RPL26L1: variants seen among roughly 807,000 people sequenced by gnomAD.
The protein encoded by RPL26L1 is ribosomal protein L26 like 1, also known as ribosomal protein uL24-like.
A neutral mutation model predicts 15.2 loss-of-function variants in RPL26L1; 8 were observed. That is an observed-to-expected ratio of 0.53 (90% confidence interval 0.31 to 0.95). The LOEUF is 0.95. RPL26L1 is among the 40% of genes least tolerant of loss of function. The pLI is 0.05. For synonymous variants in RPL26L1, 51 were observed against 65.9 expected (o/e 0.77, Z 1.09); for missense variants, 146 against 190.9 (o/e 0.76, Z 1.39).
intron 2 of RPL26L1, among the ~76,000 whole-genome samples, chr5:172,960,901 A>C (rs1365652837): frequency 9.3e-6 from 1 of 107,954 alleles, no homozygotes; most frequent in Non-Finnish European, 1.7e-5. Flanking sequence ...GGACTGGATA[A>C]TTGTTGTGGG....
chr5:172,959,422 T>G (rs1755127279), upstream of RPL26L1: 2 of 997,940 alleles, frequency 2.0e-6, no homozygotes, highest in Non-Finnish European at 2.4e-6. Context: ...GCACGGAAAC[T>G]CACTTCCGGC....
At chr5:172,964,458 A>C (rs1755374564) in intron 2 of RPL26L1, among the ~76,000 whole-genome samples, 1 of 151,062 alleles carries the variant, frequency 6.6e-6, no homozygotes, top group Non-Finnish European at 1.5e-5. Flanking sequence ...GCTAATTTTC[A>C]TATTTTTAAT....
chr5:172,958,226 T>C (rs1003685896), upstream of RPL26L1: 3 of 378,690 alleles, frequency 7.9e-6, no homozygotes, highest in Non-Finnish European at 1.6e-5. Context: ...ATGGTGCCAC[T>C]GCACTGCAGC....
chr5:172,963,894 G>A (rs570464273), intron 2 of RPL26L1, among the ~76,000 whole-genome samples: 2 of 152,198 alleles, frequency 1.3e-5, no homozygotes, highest in South Asian at 4.1e-4. Context: ...ATTTGTCTAT[G>A]TACTCATTAA....
intron 2 of RPL26L1, among the ~76,000 whole-genome samples, chr5:172,962,641 C>T (rs1386770020): frequency 2.6e-5 from 4 of 151,504 alleles, no homozygotes; most frequent in African/African-American, 9.7e-5. Context: ...CACGGTGAAA[C>T]CCATCTCTAC....
At chr5:172,960,902 T>C (rs1755209473) in intron 2 of RPL26L1, among the ~76,000 whole-genome samples, 1 of 116,804 alleles carries the variant, frequency 8.6e-6, no homozygotes, top group South Asian at 3.2e-4. Context: ...GACTGGATAA[T>C]TGTTGTGGGG....
At chr5:172,966,802 A>G (rs774826935) in intron 2 of RPL26L1, among the ~76,000 whole-genome samples, 1 of 151,704 alleles carries the variant, frequency 6.6e-6, no homozygotes, top group Non-Finnish European at 1.5e-5. Flanking sequence ...GGGGTTCTCT[A>G]GTTCTTTATA....
intron 3 of RPL26L1, 22 bp downstream of exon 3, chr5:172,968,621 C>T: frequency 6.2e-7 from 1 of 1,613,480 alleles, no homozygotes; most frequent in Non-Finnish European, 8.5e-7. Flanking sequence ...GACTGAGTGG[C>T]AGTAGCAGCC....
upstream of RPL26L1, chr5:172,955,810 A>G (rs1409620192): frequency 7.2e-5 from 11 of 152,238 alleles, no homozygotes; most frequent in Admixed American, 7.2e-4. Flanking sequence ...GAAGGAGGAA[A>G]CAGAGAGACC....
chr5:172,968,427 G>A, intron 2 of RPL26L1, 32 bp from the exon 3 acceptor site: 2 of 1,609,488 alleles, frequency 1.2e-6, no homozygotes, highest in Non-Finnish European at 1.7e-6. Context: ...CACTACAAAT[G>A]GAGGGGGATT....
At position 172,969,413 on chromosome 5, in the gene RPL26L1, G is replaced by A. The variant is rs1755599447; in HGVS notation, c.310G>A (p.Val104Met). The change falls in exon 4 of 4, where the codon GTG (valine) becomes ATG (methionine). Residue 104 changes from valine (V) to methionine (M), a missense_variant and splice_region_variant. By Grantham distance (21) the Val-to-Met change is conservative. Transcript: ENST00000265100. ...AGACCTGTTTTCTCACTCCCAACAGGTGGTTATCACCAGGCTAAAACTGGA... is the reference window on the plus strand; with the variant it reads ...AGACCTGTTTTCTCACTCCCAACAGATGGTTATCACCAGGCTAAAACTGGA... Reference protein sequence around the residue: ...TVHVGIHPSKVVITRLKLDKD... With the variant: ...TVHVGIHPSKMVITRLKLDKD... The A allele has an allele frequency of 6.2e-7, 1 of 1,613,302 alleles. No individual in the cohort carries two copies. The highest frequency in any genetic ancestry group is 1.3e-5 in the African/African-American group (1 of 74,898).
At chr5:172,968,908 A>G (rs983443677) in intron 3 of RPL26L1, among the ~76,000 whole-genome samples, 11 of 140,222 alleles carry the variant, frequency 7.8e-5, no homozygotes, top group African/African-American at 2.8e-4. Context: ...CCTGGGTTCA[A>G]GCAATTCTCC....
Position 172,959,446 on chromosome 5 carries a change from G to C in RPL26L1, c.-32G>C. ...CTCACTTCCGGCCCTGCGCACTCAG[G>C]GTCTGAGGCAGCTAGTAGCCGGGTG... On this transcript the variant is annotated 5_prime_UTR_variant, in exon 1 of 4. Coordinates refer to ENST00000265100, the MANE Select transcript of RPL26L1 (RefSeq NM_016093.4). 5 of 1,005,062 alleles carry C rather than the reference G, an allele frequency of 5.0e-6. No homozygotes were observed. The South Asian group carries it at 1.6e-4, about 32-fold the overall frequency. 62.3% of individuals were successfully genotyped at this position (1,005,062 alleles called of 1,614,324 possible).
chr5:172,960,270 G>A (rs878914321), intron 2 of RPL26L1, among the ~76,000 whole-genome samples: 2 of 152,128 alleles, frequency 1.3e-5, no homozygotes, highest in Non-Finnish European at 2.9e-5. Flanking sequence ...TGTCAACCAA[G>A]CAAAAACCTG....
At chr5:172,954,348 G>C (rs533644662), upstream of RPL26L1, among the ~76,000 whole-genome samples, 31 of 152,128 alleles carry the variant, frequency 2.0e-4, 1 homozygote, top group East Asian at 4.8e-3. Context: ...TGAGAGGATT[G>C]CTTGAGCCCA....
At chr5:172,956,938 GAAAA>G, upstream of RPL26L1, 1 of 222,040 alleles carries the variant, frequency 4.5e-6, no homozygotes, top group Non-Finnish European at 8.9e-6. Context: ...ACTCTATCTC[GAAAA>G]AAAAAAAAAA....
upstream of RPL26L1, among the ~76,000 whole-genome samples, chr5:172,954,404 T>A (rs941938146): frequency 6.6e-5 from 9 of 135,498 alleles, no homozygotes; most frequent in South Asian, 4.5e-4. Flanking sequence ...CCCGTCTCTA[T>A]AGAAAAAATA....
upstream of RPL26L1, chr5:172,958,435 G>A (rs1273758891): frequency 1.1e-5 from 5 of 456,230 alleles, no homozygotes; most frequent in Middle Eastern, 3.3e-4. Flanking sequence ...GCCGGCATTT[G>A]GCACTAAGTT....
At chr5:172,958,478 A>C, upstream of RPL26L1, 5 of 455,776 alleles carry the variant, frequency 1.1e-5, no homozygotes, top group South Asian at 7.7e-5. Flanking sequence ...AATGAACGAA[A>C]GGGAGAGTTG....
Sources: gnomAD v4.1 joint callset for allele counts (sites outside exome capture counted in the v4.1 genomes callset) on GRCh38, gnomAD v4.1.1 for gene constraint, MANE v1.5 for transcripts, NCBI Gene and HGNC (gene_info 2026-07-23, HGNC 2026-07-21) for gene names.